The following RAPGEF5 variants were observed in gnomAD, a reference collection of about 807,000 sequenced individuals.
RAPGEF5 encodes the protein Rap guanine nucleotide exchange factor 5.
Under a neutral mutation model 125.2 loss-of-function variants are expected in RAPGEF5, and 65 were observed. The observed-to-expected ratio is 0.52, with a 90% CI of 0.43 to 0.64. The LOEUF (loss-of-function observed/expected upper bound fraction) is 0.64. Ranked by LOEUF, RAPGEF5 falls within the 30% of genes least tolerant of loss-of-function variation. The probability of loss-of-function intolerance (pLI) is 0.00; values close to 1 mark genes in which losing one functional copy is unlikely to be tolerated. For synonymous variants in RAPGEF5, 391 were observed against 385.9 expected, an observed-to-expected ratio of 1.01 and a Z score of -0.16; for missense variants, 958 against 1,048.1, an observed-to-expected ratio of 0.91 and a Z score of 1.19.
At chr7:22,330,817 T>C (rs929869990) in intron 1 of RAPGEF5, among the ~76,000 whole-genome samples, 12 of 152,242 alleles carry the variant, frequency 7.9e-5, no homozygotes, top group African/African-American at 2.9e-4. Context: ...ATTTAATACC[T>C]GACCTGAAGG....
Position 22,167,146 on chromosome 7 carries a change from T to C in RAPGEF5, c.1207A>G (p.Thr403Ala). The stretch of plus-strand genomic sequence containing the variant: ...GTGAGAAGGAAGTCATCCAGGAGGG[T>C]CTCTGCAAAGAAAAAAAAAACAAAC... ...LEEVQDKETE[T>A]LLDDFLLTYT... Residue 403 changes from threonine to alanine, a missense_variant and splice_region_variant, in exon 12 of 26, where the codon ACC becomes GCC. Transcript: ENST00000665637. 4.3e-6 allele frequency: 7 copies of C among 1,609,996 alleles called. No homozygotes were observed. The highest frequency in any genetic ancestry group is 5.9e-6 in the Non-Finnish European group (7 of 1,178,088).
chr7:22,297,451 C>A (rs1783088410), intron 5 of RAPGEF5, among the ~76,000 whole-genome samples: 1 of 152,112 alleles, frequency 6.6e-6, no homozygotes, highest in South Asian at 2.1e-4. Context: ...AAGAGGGGAG[C>A]AATTGTGATA....
Position 22,357,105 on chromosome 7 carries a change from C to A in RAPGEF5, c.-45G>T, listed in dbSNP as rs2128391099. 2.1e-6 allele frequency: 2 copies of A among 963,278 alleles called. No homozygotes were observed. The highest frequency in any genetic ancestry group is 4.6e-5 in the South Asian group (1 of 21,528). The allele number at this position is 963,278 out of a possible 1,614,324, so 59.7% of individuals were successfully genotyped here. On this transcript the variant is annotated 5_prime_UTR_variant, in exon 1 of 26. Transcript: ENST00000665637. The stretch of plus-strand genomic sequence containing the variant: ...GCCGGGGGCTCCTCTCCACCGCGCT[C>A]GCCTCCGCGCGCCGTCCGCGCCTTC...
intron 1 of RAPGEF5, among the ~76,000 whole-genome samples, chr7:22,344,802 A>C (rs1784192274): frequency 6.6e-6 from 1 of 152,226 alleles, no homozygotes; most frequent in African/African-American, 2.4e-5. Flanking sequence ...GAAACCACCA[A>C]GGGGGAGTTT....
chr7:22,178,856 A>G (rs1333463684), intron 11 of RAPGEF5, among the ~76,000 whole-genome samples: 1 of 152,006 alleles, frequency 6.6e-6, no homozygotes, highest in Non-Finnish European at 1.5e-5. Context: ...CTGGGACCAA[A>G]AGCTCTATCC....
intron 7 of RAPGEF5, among the ~76,000 whole-genome samples, chr7:22,244,958 C>G (rs942641716): frequency 1.3e-5 from 2 of 152,280 alleles, no homozygotes; most frequent in African/African-American, 4.8e-5. Context: ...CAAGGATTAT[C>G]TTTTCTTCAT....
chr7:22,196,035 C>T (rs1785140849), intron 9 of RAPGEF5, among the ~76,000 whole-genome samples: 1 of 152,198 alleles, frequency 6.6e-6, no homozygotes. Context: ...GTGCACACAG[C>T]AGCCACACTC....
intron 7 of RAPGEF5, among the ~76,000 whole-genome samples, chr7:22,262,175 T>C (rs76878215): frequency 0.043 from 6,591 of 152,042 alleles, 178 homozygotes; most frequent in South Asian, 0.073. Context: ...AAAGGACTAC[T>C]ACCTAGAATA....
chr7:22,132,203 A>G (rs1348774346), intron 23 of RAPGEF5, among the ~76,000 whole-genome samples: 1 of 152,162 alleles, frequency 6.6e-6, no homozygotes, highest in Non-Finnish European at 1.5e-5. Context: ...ATTATGAGAT[A>G]GGTGGTCCTA....
At chr7:22,345,719 TAG>T (rs1784211606) in intron 1 of RAPGEF5, among the ~76,000 whole-genome samples, 2 of 135,066 alleles carry the variant, frequency 1.5e-5, no homozygotes, top group South Asian at 2.4e-4. Flanking sequence ...TTTTTTTTTT[TAG>T]AGAGTTATGT....
At position 22,228,310 on chromosome 7, in the gene RAPGEF5, G is replaced by T. The variant is rs914710772; in HGVS notation, c.870+2536C>A. Among the ~76,000 whole-genome samples the T allele has an allele frequency of 2.6e-5, 4 of 152,166 alleles. No homozygotes were observed. In the South Asian group the frequency reaches 8.3e-4, roughly 32 times the overall value. On this transcript the variant is annotated intron_variant, in intron 8 of 25. Coordinates refer to ENST00000665637, the MANE Select transcript of RAPGEF5 (RefSeq NM_012294.5). ...CGTCCCTTACCGGCACATCTATAAA[G>T]TGGTAGTAATTAAACTATCTATCCT...
intron 6 of RAPGEF5, among the ~76,000 whole-genome samples, chr7:22,283,324 G>A (rs1782718989): frequency 6.6e-6 from 1 of 152,122 alleles, no homozygotes; most frequent in South Asian, 2.1e-4. Flanking sequence ...CACATAAAGT[G>A]TCATTATAAT....
intron 23 of RAPGEF5, among the ~76,000 whole-genome samples, chr7:22,134,287 A>G (rs1583393631): frequency 6.6e-6 from 1 of 152,358 alleles, no homozygotes; most frequent in East Asian, 1.9e-4. Context: ...TGATTTTATC[A>G]TGACAAAAAA....
chr7:22,257,014 C>A (rs1301060206), intron 7 of RAPGEF5, among the ~76,000 whole-genome samples: 1 of 152,172 alleles, frequency 6.6e-6, no homozygotes, highest in African/African-American at 2.4e-5. Context: ...AAAACCTACA[C>A]TGATTGGCAG....
intron 11 of RAPGEF5, among the ~76,000 whole-genome samples, chr7:22,174,901 A>G (rs1346692660): frequency 6.6e-6 from 1 of 152,122 alleles, no homozygotes; most frequent in Non-Finnish European, 1.5e-5. Flanking sequence ...AATATCAAAA[A>G]CCAGAGCTTG....
At chr7:22,271,165 A>C (rs1431276698) in intron 6 of RAPGEF5, among the ~76,000 whole-genome samples, 1 of 152,148 alleles carries the variant, frequency 6.6e-6, no homozygotes, top group Non-Finnish European at 1.5e-5. Context: ...TGCACATTAG[A>C]ATCATTTGGA....
intron 23 of RAPGEF5, among the ~76,000 whole-genome samples, chr7:22,134,669 C>A (rs1355174947): frequency 6.6e-6 from 1 of 152,182 alleles, no homozygotes; most frequent in African/African-American, 2.4e-5. Flanking sequence ...ATCAGTCCTA[C>A]TTTCTATTGT....
At chr7:22,133,719 T>C (rs1782992212) in intron 23 of RAPGEF5, among the ~76,000 whole-genome samples, 1 of 152,094 alleles carries the variant, frequency 6.6e-6, no homozygotes, top group Admixed American at 6.5e-5. Flanking sequence ...TCTCCAAAAA[T>C]AGCACATGAA....
chr7:22,190,953 C>T (rs904784477), intron 11 of RAPGEF5, among the ~76,000 whole-genome samples: 5 of 152,112 alleles, frequency 3.3e-5, no homozygotes, highest in African/African-American at 1.2e-4. Context: ...GTAAAAGGGG[C>T]GCTCAAGAAC....
Sources: allele counts gnomAD v4.1 joint callset (sites outside exome capture counted in the v4.1 genomes callset), GRCh38; gene constraint gnomAD v4.1.1; transcripts MANE v1.5; gene names NCBI Gene and HGNC (gene_info 2026-07-23, HGNC 2026-07-21).